HS3ST4: variants seen among roughly 807,000 people sequenced by gnomAD.
The protein encoded by HS3ST4 is heparan sulfate-glucosamine 3-sulfotransferase 4, also known as heparan sulfate glucosamine 3-O-sulfotransferase 4.
HS3ST4 carries 17 observed loss-of-function variants against 29.2 expected under a neutral mutation model. That is an observed-to-expected ratio of 0.58 (90% CI 0.40 to 0.87). The LOEUF (loss-of-function observed/expected upper bound fraction) is 0.87, where lower values mean the gene tolerates loss of function less well. Among genes scored for constraint, HS3ST4 ranks in the 40% least tolerant of loss-of-function variants. The probability of loss-of-function intolerance (pLI) is 0.00; values close to 1 mark genes in which losing one functional copy is unlikely to be tolerated. For synonymous variants in HS3ST4, 314 were observed against 285.7 expected (o/e 1.10, Z -1.00); for missense variants, 627 against 634.5 (o/e 0.99, Z 0.13).
intron 1 of HS3ST4, among the ~76,000 whole-genome samples, chr16:26,121,962 G>A (rs1224811475): frequency 6.6e-6 from 1 of 152,108 alleles, no homozygotes; most frequent in Non-Finnish European, 1.5e-5. Context: ...CACAATCAGG[G>A]AAAATGTTGT....
intron 1 of HS3ST4, among the ~76,000 whole-genome samples, chr16:25,927,120 A>T (rs1968412566): frequency 6.6e-6 from 1 of 152,168 alleles, no homozygotes; most frequent in Non-Finnish European, 1.5e-5. Context: ...AAACTGTTTG[A>T]TTTTACTGAT....
At chr16:26,017,409 G>C (rs1301055156) in intron 1 of HS3ST4, among the ~76,000 whole-genome samples, 2 of 152,184 alleles carry the variant, frequency 1.3e-5, no homozygotes, top group Non-Finnish European at 2.9e-5. Context: ...GTGTGTGTTG[G>C]TTGATATTGG....
intron 1 of HS3ST4, chr16:26,063,166 A>G (rs1898500738): frequency 6.5e-6 from 1 of 153,692 alleles, no homozygotes. Context: ...ACACTCTGGT[A>G]TCCTGTGCTG....
At position 26,041,028 on chromosome 16, in the gene HS3ST4, C is replaced by T. The variant is rs572033526; in HGVS notation, c.735-94584C>T. Among the ~76,000 whole-genome samples, 4 of 152,288 alleles carry T rather than the reference C, an allele frequency of 2.6e-5. No homozygotes were observed. The South Asian group carries it at 8.3e-4, about 32-fold the overall frequency. ...CTCCTTCACAGCTATGGTCTTCATCCTGGCTACACGTTGGAATCACCTAAA... is the reference window on the plus strand; with the variant it reads ...CTCCTTCACAGCTATGGTCTTCATCTTGGCTACACGTTGGAATCACCTAAA... On this transcript the variant is annotated intron_variant, in intron 1 of 1. Transcript: ENST00000331351.
chr16:25,999,038 G>A (rs1217324944), intron 1 of HS3ST4, among the ~76,000 whole-genome samples: 5 of 151,886 alleles, frequency 3.3e-5, no homozygotes, highest in Admixed American at 2.6e-4. Context: ...AATAAATAAT[G>A]TATTTAGACT....
chr16:26,059,459 G>A (rs536738997), intron 1 of HS3ST4, among the ~76,000 whole-genome samples: 5 of 152,248 alleles, frequency 3.3e-5, no homozygotes, highest in Admixed American at 6.5e-5. Context: ...AAAGTAGGGC[G>A]GAGAGGGTCC....
chr16:25,772,727 T>C (rs988063465), intron 1 of HS3ST4, among the ~76,000 whole-genome samples: 4 of 152,168 alleles, frequency 2.6e-5, no homozygotes, highest in Non-Finnish European at 5.9e-5. Flanking sequence ...GACATTTAAG[T>C]CTGAGGAATT....
intron 1 of HS3ST4, among the ~76,000 whole-genome samples, chr16:26,063,802 G>T (rs1433812360): frequency 2.0e-5 from 3 of 152,172 alleles, no homozygotes; most frequent in Admixed American, 2.0e-4. Context: ...TTCTCTTGTG[G>T]GGAACATCCT....
At chr16:25,778,115 C>T (rs1966849303) in intron 1 of HS3ST4, among the ~76,000 whole-genome samples, 1 of 150,970 alleles carries the variant, frequency 6.6e-6, no homozygotes, top group Non-Finnish European at 1.5e-5. Flanking sequence ...TGTGATTACT[C>T]ATATACACAC....
chr16:25,900,493 T>G (rs1011993607), intron 1 of HS3ST4, among the ~76,000 whole-genome samples: 4 of 152,192 alleles, frequency 2.6e-5, no homozygotes, highest in East Asian at 3.8e-4. Flanking sequence ...CCCATAAGAA[T>G]TTACATTCTT....
intron 1 of HS3ST4, among the ~76,000 whole-genome samples, chr16:26,115,866 C>A (rs1899195600): frequency 6.6e-6 from 1 of 152,210 alleles, no homozygotes; most frequent in Admixed American, 6.5e-5. Flanking sequence ...AGGGCAAGAT[C>A]ACATGCTACT....
At chr16:25,831,120 T>TCTCCTCATTTAAGTTTTGC (rs1967292993) in intron 1 of HS3ST4, among the ~76,000 whole-genome samples, 1 of 152,146 alleles carries the variant, frequency 6.6e-6, no homozygotes, top group African/African-American at 2.4e-5. Context: ...CTTGGCTGTG[T>TCTCCTCATTTAAGTTTTGC]CTCCTCATTT....
intron 1 of HS3ST4, among the ~76,000 whole-genome samples, chr16:25,695,994 A>G (rs989084858): frequency 2.0e-5 from 3 of 152,274 alleles, no homozygotes; most frequent in African/African-American, 2.4e-5. Flanking sequence ...TCAGTTCCTC[A>G]GTGTCACTCC....
At chr16:26,111,027 TA>T (rs951391880) in intron 1 of HS3ST4, among the ~76,000 whole-genome samples, 4 of 150,916 alleles carry the variant, frequency 2.7e-5, no homozygotes, top group African/African-American at 9.8e-5. Flanking sequence ...GGGTACAATT[TA>T]TTTTTTTTGT....
At chr16:25,961,843 A>G (rs1278862797) in intron 1 of HS3ST4, among the ~76,000 whole-genome samples, 2 of 152,164 alleles carry the variant, frequency 1.3e-5, no homozygotes, top group Admixed American at 6.5e-5. Context: ...TAAAACTTAC[A>G]CTTAAAGTTT....
At chr16:26,006,300 G>GGA (rs1969257637) in intron 1 of HS3ST4, among the ~76,000 whole-genome samples, 1 of 68,670 alleles carries the variant, frequency 1.5e-5, no homozygotes, top group Non-Finnish European at 2.4e-5. Context: ...CTCTGTTTCA[G>GGA]AAAAAAAAAA....
chr16:26,077,804 C>G (rs1898679889), intron 1 of HS3ST4, among the ~76,000 whole-genome samples: 1 of 152,250 alleles, frequency 6.6e-6, no homozygotes, highest in Non-Finnish European at 1.5e-5. Flanking sequence ...GGCACAGTGG[C>G]TTATGCCTAT....
intron 1 of HS3ST4, among the ~76,000 whole-genome samples, chr16:25,972,976 A>T (rs142022360): frequency 2.9e-3 from 448 of 152,328 alleles, no homozygotes; most frequent in Non-Finnish European, 4.8e-3. Context: ...TTCCTACTGG[A>T]TCAAATACAC....
At chr16:25,979,059 G>A (rs1000604890) in intron 1 of HS3ST4, among the ~76,000 whole-genome samples, 10 of 150,208 alleles carry the variant, frequency 6.7e-5, no homozygotes, top group Admixed American at 4.0e-4. Flanking sequence ...CATCATGCCC[G>A]GCTAATTTTG....
Sources: allele counts gnomAD v4.1 joint callset (sites outside exome capture counted in the v4.1 genomes callset), GRCh38; gene constraint gnomAD v4.1.1; transcripts MANE v1.5; gene names NCBI Gene and HGNC (gene_info 2026-07-23, HGNC 2026-07-21).